Variants in SYNE2 observed in about 807,000 individuals in gnomAD.
SYNE2 encodes spectrin repeat containing nuclear envelope protein 2.
A neutral mutation model predicts 856.3 loss-of-function variants in SYNE2; 431 were observed. The ratio of observed to expected loss-of-function variants is 0.50; its 90% CI spans 0.47 to 0.55. The LOEUF is 0.55. Ranked by LOEUF, SYNE2 falls within the 20% of genes least tolerant of loss-of-function variation. The pLI is 0.00. For missense variants in SYNE2, 8,129 were observed against 8,023.2 expected (o/e 1.01, Z -0.50); for synonymous variants, 2,923 against 2,872.3 (o/e 1.02, Z -0.56).
At chr14:63,968,063 T>C (rs1423909573) in intron 11 of SYNE2, among the ~76,000 whole-genome samples, 2 of 152,098 alleles carry the variant, frequency 1.3e-5, no homozygotes, top group Non-Finnish European at 2.9e-5. Context: ...CTCCAGAGGC[T>C]GAGGCAGGAG....
At chr14:64,150,298 A>C (rs1595856182) in intron 84 of SYNE2, among the ~76,000 whole-genome samples, 1 of 101,968 alleles carries the variant, frequency 9.8e-6, no homozygotes, top group African/African-American at 4.8e-5. Context: ...TCTCAAAAAA[A>C]AAAAAAAAAA....
At chr14:64,093,250 G>C (rs1450191689) in intron 60 of SYNE2, 99 bp from the exon 61 acceptor site, 3 of 1,389,230 alleles carry the variant, frequency 2.2e-6, no homozygotes, top group African/African-American at 2.9e-5. Flanking sequence ...CATATTTGCT[G>C]TGAGTGATTA....
At chr14:63,791,237 C>T (rs968472148) in intron 1 of SYNE2, among the ~76,000 whole-genome samples, 3 of 152,202 alleles carry the variant, frequency 2.0e-5, no homozygotes, top group East Asian at 1.9e-4. Flanking sequence ...GTTAGGATTA[C>T]AGGCATGAAC....
At chr14:63,986,416 C>A (rs776373611) in intron 18 of SYNE2, 40 bp from the exon 19 acceptor site, 1 of 1,609,226 alleles carries the variant, frequency 6.2e-7, no homozygotes, top group South Asian at 1.1e-5. Flanking sequence ...TTGTTATGTA[C>A]ATGCTGACAT....
intron 97 of SYNE2, among the ~76,000 whole-genome samples, chr14:64,187,487 A>T (rs749215033): frequency 1.3e-5 from 2 of 152,220 alleles, no homozygotes; most frequent in Non-Finnish European, 2.9e-5. Flanking sequence ...TATGAAATCA[A>T]TCAGAATGAC....
Position 64,053,129 on chromosome 14 carries a change from TC to T in SYNE2, c.9218del (p.Pro3073LeufsTer15). 2.5e-6 allele frequency: 4 copies of T among 1,614,004 alleles called. No homozygotes were observed. The highest frequency in any genetic ancestry group is 3.4e-6 in the Non-Finnish European group (4 of 1,179,990). ...AAATGACTGAAGTAGTACTAAAAGC[TC>T]CTGATAGCTCTCCGGAAAGCAGACG... is the stretch of plus-strand genomic sequence containing the variant. ...KKMTEVVLKA[P>X]DSSPESRRLN... is the part of the protein sequence containing the mutation. On this transcript the variant is annotated frameshift_variant, in exon 48 of 116. Transcript: ENST00000555002. LOFTEE classifies it high-confidence loss of function.
chr14:64,217,735 C>T (rs949466059), intron 108 of SYNE2, among the ~76,000 whole-genome samples: 1 of 151,484 alleles, frequency 6.6e-6, no homozygotes, highest in African/African-American at 2.4e-5. Context: ...CACCACAAAT[C>T]TGAAGGTTTT....
intron 58 of SYNE2, among the ~76,000 whole-genome samples, chr14:64,088,574 C>T (rs1176642696): frequency 6.6e-6 from 1 of 152,190 alleles, no homozygotes; most frequent in Non-Finnish European, 1.5e-5. Flanking sequence ...AGTTTGAGAC[C>T]TGCCTGGGTA....
At chr14:63,838,155 G>C in intron 1 of SYNE2, among the ~76,000 whole-genome samples, 1 of 151,800 alleles carries the variant, frequency 6.6e-6, no homozygotes, top group Non-Finnish European at 1.5e-5. Flanking sequence ...AGATCATCTG[G>C]GGTCAGGAGT....
intron 1 of SYNE2, among the ~76,000 whole-genome samples, chr14:63,790,357 AG>A (rs1382217578): frequency 6.6e-6 from 1 of 152,002 alleles, no homozygotes; most frequent in African/African-American, 2.4e-5. Flanking sequence ...AAGGAAGGAA[AG>A]AAGAAAAGAA....
At chr14:64,125,371 C>T (rs1469905602) in intron 71 of SYNE2, among the ~76,000 whole-genome samples, 161 bp downstream of exon 71, 6 of 152,186 alleles carry the variant, frequency 3.9e-5, no homozygotes, top group Admixed American at 3.9e-4. Context: ...CTTGCCAACT[C>T]TAATATATTT....
At position 64,141,467 on chromosome 14, in the gene SYNE2, C is replaced by G; in HGVS notation, c.15103C>G (p.Gln5035Glu). ...TLRASLAQFEQKWTMLITQLP... is the reference protein window; with the variant it reads ...TLRASLAQFEEKWTMLITQLP... Reference sequence around the variant, plus strand: ...GAGAGCTTCTTTAGCACAGTTTGAACAAAAATGGACAATGCTCATAACTCA... The same window carrying G: ...GAGAGCTTCTTTAGCACAGTTTGAAGAAAAATGGACAATGCTCATAACTCA... Residue 5035 changes from glutamine to glutamate, a missense_variant, in exon 81 of 116, where the codon CAA (glutamine) becomes GAA (glutamate). Physicochemically the swap from Gln to Glu is conservative, Grantham distance 29. Transcript: ENST00000555002. 1.9e-6 allele frequency: 3 copies of G among 1,613,942 alleles called. No individual in the cohort carries two copies. The highest frequency in any genetic ancestry group is 1.1e-5 in the South Asian group (1 of 91,074).
chr14:64,178,464 G>A (rs536278358), intron 96 of SYNE2, among the ~76,000 whole-genome samples: 38 of 152,066 alleles, frequency 2.5e-4, no homozygotes, highest in South Asian at 4.1e-4. Context: ...TTGTTTGTTC[G>A]TTTGTTTTTA....
chr14:63,790,581 A>G (rs1220174750), intron 1 of SYNE2, among the ~76,000 whole-genome samples: 1 of 152,172 alleles, frequency 6.6e-6, no homozygotes, highest in Non-Finnish European at 1.5e-5. Flanking sequence ...GAAACTGAAG[A>G]ACACCTTGTA....
At chr14:63,910,172 A>AT (rs2153353335) in intron 2 of SYNE2, among the ~76,000 whole-genome samples, 1 of 152,346 alleles carries the variant, frequency 6.6e-6, no homozygotes, top group African/African-American at 2.4e-5. Context: ...GGGCAGTATT[A>AT]TGCAGCATTT....
chr14:63,803,025 C>T (rs1003646999), intron 1 of SYNE2, among the ~76,000 whole-genome samples: 1 of 152,132 alleles, frequency 6.6e-6, no homozygotes, highest in Admixed American at 6.6e-5. Flanking sequence ...AGCAGGTTGC[C>T]AATAATGGCT....
At chr14:64,170,185 A>C in intron 93 of SYNE2, 43 bp from the exon 94 acceptor site, 1 of 1,588,250 alleles carries the variant, frequency 6.3e-7, no homozygotes. Context: ...TATTTTTTCT[A>C]CATGTCGATG....
Position 64,209,971 on chromosome 14 carries a change from C to T in SYNE2, c.18570C>T (p.Leu6190=), listed in dbSNP as rs926637558. ...EAFQRQIHER[L]TQLELINKQY... ...TTCAGCGGCAGATTCATGAGCGGCT[C>T]ACTCAGCTGGAGCTCATCAACAAGC... Residue 6190 remains leucine, a synonymous_variant, in exon 103 of 116, where the codon CTC becomes CTT. Transcript: ENST00000555002. 5.6e-6 allele frequency: 9 copies of T among 1,614,022 alleles called. No homozygotes were observed. Among genetic ancestry groups the T allele is most frequent in the Admixed American group, 3.3e-5 (2 of 60,010 alleles).
rs763674441 is a variant in SYNE2, at chr14:63,979,014, T to A, written c.1569T>A (p.His523Gln). The A allele has an allele frequency of 1.2e-6, 2 of 1,613,554 alleles. No homozygotes were observed. Among genetic ancestry groups the A allele is most frequent in the East Asian group, 4.5e-5 (2 of 44,798 alleles). ...TGGAATTATTGCTGGAAGACTGGCA[T>A]GTAAGCTTTTCAATTTTGTGTCTTA... is the stretch of plus-strand genomic sequence containing the variant. ...ESVELLLEDW[H>Q]KFIEEKEFLA... The change falls in exon 14 of 116, where the codon CAT (histidine) becomes CAA (glutamine). Residue 523 changes from histidine (H) to glutamine (Q), a missense_variant and splice_region_variant. By Grantham distance (24) the His-to-Gln change is conservative. Around this residue, in one of 3 missense-constraint regions of SYNE2, gnomAD observed 2,422 missense variants for 2,357.4 expected, o/e 1.03. Coordinates refer to ENST00000555002, the MANE Select transcript of SYNE2 (RefSeq NM_182914.3).
Sources: allele counts gnomAD v4.1 joint callset (sites outside exome capture counted in the v4.1 genomes callset), GRCh38; gene constraint gnomAD v4.1.1; regional missense constraint gnomAD v4.1.1; transcripts MANE v1.5; gene names NCBI Gene and HGNC (gene_info 2026-07-23, HGNC 2026-07-21).